Variants in CD226 observed in about 807,000 individuals in gnomAD.
CD226 encodes CD226 molecule.
CD226 carries 24 observed loss-of-function variants against 34.9 expected under a neutral mutation model. The ratio of observed to expected loss-of-function variants is 0.69; its 90% CI spans 0.50 to 0.97. The LOEUF (loss-of-function observed/expected upper bound fraction) is 0.97, where lower values mean the gene tolerates loss of function less well. Among genes scored for constraint, CD226 ranks in the 50% least tolerant of loss-of-function variants. The pLI is 0.00. For missense variants in CD226, 397 were observed against 412.7 expected (o/e 0.96, Z 0.33); for synonymous variants, 148 against 147.4 (o/e 1.00, Z -0.03).
intron 3 of CD226, among the ~76,000 whole-genome samples, chr18:69,882,960 G>A (rs1269732182): frequency 3.3e-5 from 5 of 152,174 alleles, no homozygotes; most frequent in East Asian, 1.9e-4. Flanking sequence ...GAGCCACCAC[G>A]CCTGGCTCCA....
intron 2 of CD226, among the ~76,000 whole-genome samples, chr18:69,900,438 TA>T (rs1246425482): frequency 1.3e-5 from 2 of 152,184 alleles, no homozygotes; most frequent in South Asian, 2.1e-4. Context: ...AAAGTTTTTT[TA>T]AAAATTTTTC....
intron 2 of CD226, among the ~76,000 whole-genome samples, chr18:69,898,002 CAAGAAAAGGGGAAGA>C (rs1985398363): frequency 6.9e-6 from 1 of 145,140 alleles, no homozygotes; most frequent in African/African-American, 2.6e-5. Context: ...TAAAGCAACA[CAAGAAAAGGGGAAGA>C]AAGAAAAGCA....
chr18:69,900,459 G>C (rs978550883), intron 2 of CD226, among the ~76,000 whole-genome samples: 42 of 152,260 alleles, frequency 2.8e-4, no homozygotes, highest in African/African-American at 9.4e-4. Context: ...CTGGCCGGGC[G>C]CGGTGGCTCA....
At chr18:69,904,511 G>A (rs1045070189) in intron 2 of CD226, among the ~76,000 whole-genome samples, 1 of 152,134 alleles carries the variant, frequency 6.6e-6, no homozygotes, top group African/African-American at 2.4e-5. Flanking sequence ...AGGTAACCGT[G>A]GGTCCCCTTG....
chr18:69,930,376 T>C (rs544611870), intron 2 of CD226, among the ~76,000 whole-genome samples: 2 of 152,170 alleles, frequency 1.3e-5, no homozygotes, highest in African/African-American at 4.8e-5. Context: ...CAGGACAGAT[T>C]TGTGAAAGGA....
intron 2 of CD226, among the ~76,000 whole-genome samples, chr18:69,943,931 C>T (rs1224319232): frequency 2.0e-5 from 3 of 150,884 alleles, no homozygotes; most frequent in Non-Finnish European, 4.4e-5. Context: ...TTCTGAAGTT[C>T]TTACAATCCA....
In CD226 at chr18:69,947,408, T is replaced by A; in HGVS notation, c.-2A>T. On this transcript the variant is annotated 5_prime_UTR_variant, in exon 1 of 6. Coordinates refer to ENST00000582621, the MANE Select transcript of CD226 (RefSeq NM_001303618.2). ...CAAAAGTAAAGTAGGATAATCCATC[T>A]CTGGAAACTGTTTGAAAGGCTGGTT... 6.3e-7 allele frequency: 1 copy of A among 1,583,864 alleles called. No individual in the cohort carries two copies.
At chr18:69,889,220 T>C (rs1025462682) in intron 3 of CD226, among the ~76,000 whole-genome samples, 1 of 151,730 alleles carries the variant, frequency 6.6e-6, no homozygotes, top group South Asian at 2.1e-4. Context: ...TCTGTTTGAG[T>C]AGAGGTTATT....
chr18:69,921,728 C>T (rs944869350), intron 2 of CD226, among the ~76,000 whole-genome samples: 6 of 150,352 alleles, frequency 4.0e-5, no homozygotes, highest in African/African-American at 1.5e-4. Flanking sequence ...GGGAAGAATG[C>T]AAATCTACAC....
Position 69,861,928 on chromosome 18 carries a change from G to A in CD226, c.*2386C>T, listed in dbSNP as rs113424940. 2.0e-5 allele frequency: 3 copies of A among 152,144 alleles called. No individual in the cohort carries two copies. The highest frequency in any genetic ancestry group is 7.2e-5 in the African/African-American group (3 of 41,510). The allele number at this position is 152,144 out of a possible 1,614,324, so 9.4% of individuals were successfully genotyped here. A position where few individuals can be genotyped will look rare whatever the true frequency, so the allele number is the denominator to read the frequency against. ...TCAGAGAATTTTTGGGAGGACTTCA[G>A]ATGGCTCCAAATTCCTGAAAAAACC... On this transcript the variant is annotated 3_prime_UTR_variant, in exon 6 of 6. Coordinates refer to ENST00000582621, the MANE Select transcript of CD226 (RefSeq NM_001303618.2).
chr18:69,954,447 AG>A (rs2055879959), intron 1 of CD226, among the ~76,000 whole-genome samples: 1 of 152,172 alleles, frequency 6.6e-6, no homozygotes, highest in Admixed American at 6.5e-5. Flanking sequence ...GGTTGGGTAA[AG>A]TGGGGTAGAG....
At chr18:69,935,943 G>C (rs2055647579) in intron 2 of CD226, among the ~76,000 whole-genome samples, 1 of 152,178 alleles carries the variant, frequency 6.6e-6, no homozygotes, top group Non-Finnish European at 1.5e-5. Context: ...TCCCTGCTCT[G>C]GCTCGCCTGA....
Position 69,853,647 on chromosome 18 carries a change from T to C in CD226, c.*10667A>G, listed in dbSNP as rs1982535647. 1 of 152,256 alleles carries C rather than the reference T, an allele frequency of 6.6e-6. No homozygotes were observed. The highest frequency in any genetic ancestry group is 2.1e-4 in the South Asian group (1 of 4,834). 9.4% of individuals were successfully genotyped at this position (152,256 alleles called of 1,614,324 possible). ...AAAATGCTTGTGAAATCTGGTGCTTTAGACTGAGCTCTGTGATGAGTGAGC... is the reference window on the plus strand; with the variant it reads ...AAAATGCTTGTGAAATCTGGTGCTTCAGACTGAGCTCTGTGATGAGTGAGC... On this transcript the variant is annotated 3_prime_UTR_variant, in exon 6 of 6. Transcript: ENST00000582621.
chr18:69,897,471 G>A (rs888732540), intron 2 of CD226, among the ~76,000 whole-genome samples: 2 of 152,202 alleles, frequency 1.3e-5, no homozygotes, highest in Non-Finnish European at 2.9e-5. Flanking sequence ...TTTCAGTAGA[G>A]TGAGGCCTGG....
At position 69,864,194 on chromosome 18, in the gene CD226, G is replaced by A; in HGVS notation, c.*120C>T. 2.5e-6 allele frequency: 2 copies of A among 810,692 alleles called. No homozygotes were observed. Among genetic ancestry groups the A allele is most frequent in the Admixed American group, 2.6e-5 (1 of 38,664 alleles). The allele number at this position is 810,692 out of a possible 1,614,324, so 50.2% of individuals were successfully genotyped here. A position where few individuals can be genotyped will look rare whatever the true frequency, so the allele number is the denominator to read the frequency against. On this transcript the variant is annotated 3_prime_UTR_variant, in exon 6 of 6. Transcript: ENST00000582621. ...GTAATGAAGTATTTTTCCTATCAAAGTAACTCAATTCAGACAACTAGTATC... is the reference window on the plus strand; with the variant it reads ...GTAATGAAGTATTTTTCCTATCAAAATAACTCAATTCAGACAACTAGTATC...
At chr18:69,899,591 A>G (rs1985485506) in intron 2 of CD226, among the ~76,000 whole-genome samples, 1 of 152,140 alleles carries the variant, frequency 6.6e-6, no homozygotes, top group African/African-American at 2.4e-5. Flanking sequence ...ACAAGAGGAA[A>G]ACGACCCCAT....
intron 2 of CD226, among the ~76,000 whole-genome samples, chr18:69,944,849 T>C (rs1221498843): frequency 1.3e-5 from 2 of 152,176 alleles, no homozygotes; most frequent in East Asian, 3.9e-4. Flanking sequence ...TAAATAAACA[T>C]TTAACTAAAG....
intron 2 of CD226, among the ~76,000 whole-genome samples, chr18:69,938,808 G>C (rs1284587235): frequency 2.0e-5 from 3 of 152,218 alleles, no homozygotes; most frequent in Non-Finnish European, 4.4e-5. Flanking sequence ...GATTTGGCCA[G>C]GCAAGGTGGC....
rs529776489 is a variant in CD226 at position 69,938,410 on chromosome 18, C to T, written c.382+8324G>A. Reference sequence around the variant, plus strand: ...CACAAGCTATGACCTTAGACTTCTGCCCCCATCCATTGGTACTTTCTTAGT... The same window carrying T: ...CACAAGCTATGACCTTAGACTTCTGTCCCCATCCATTGGTACTTTCTTAGT... On this transcript the variant is annotated intron_variant, in intron 2 of 5. Coordinates refer to ENST00000582621, the MANE Select transcript of CD226 (RefSeq NM_001303618.2). 6.6e-5 allele frequency among the ~76,000 whole-genome samples: 10 copies of T among 152,300 alleles called. No homozygotes were observed. The South Asian group carries it at 1.0e-3, about 16-fold the overall frequency.
Sources: allele counts gnomAD v4.1 joint callset (sites outside exome capture counted in the v4.1 genomes callset), GRCh38; gene constraint gnomAD v4.1.1; transcripts MANE v1.5; gene names NCBI Gene and HGNC (gene_info 2026-07-23, HGNC 2026-07-21).